Variants in ULK4 observed in about 807,000 individuals in gnomAD.
The protein encoded by ULK4 is unc-51 like kinase 4, also known as inactive serine/threonine-protein kinase ULK4.
In ULK4, 133 loss-of-function variants were observed where a neutral mutation model predicts 160.6. That is an observed-to-expected ratio of 0.83 (90% CI 0.72 to 0.96). The LOEUF (loss-of-function observed/expected upper bound fraction) is 0.96. Among genes scored for constraint, ULK4 ranks in the 40% least tolerant of loss-of-function variants. ULK4 has a pLI of 0.00. For synonymous variants in ULK4, 534 were observed against 539.8 expected, an observed-to-expected ratio of 0.99 and a Z score of 0.15; for missense variants, 1,580 against 1,499.5, an observed-to-expected ratio of 1.05 and a Z score of -0.89.
At chr3:41,953,951 A>T (rs1006492190) in intron 2 of ULK4, among the ~76,000 whole-genome samples, 5 of 152,068 alleles carry the variant, frequency 3.3e-5, no homozygotes, top group African/African-American at 1.2e-4. Context: ...TGGGAGGCCA[A>T]GGTGGGCGGA....
chr3:41,267,701 C>T (rs1412050238), intron 35 of ULK4, among the ~76,000 whole-genome samples: 1 of 152,182 alleles, frequency 6.6e-6, no homozygotes, highest in Non-Finnish European at 1.5e-5. Context: ...AATTTGACAT[C>T]AGCCACAGTG....
At chr3:41,804,245 A>G (rs1437915557) in intron 19 of ULK4, among the ~76,000 whole-genome samples, 3 of 152,058 alleles carry the variant, frequency 2.0e-5, no homozygotes, top group Non-Finnish European at 4.4e-5. Context: ...AGTGATGGTG[A>G]GCATTTTTTC....
At chr3:41,315,532 C>A (rs2080128569) in intron 35 of ULK4, among the ~76,000 whole-genome samples, 1 of 152,146 alleles carries the variant, frequency 6.6e-6, no homozygotes, top group Admixed American at 6.5e-5. Flanking sequence ...GCGCATACAG[C>A]AAATGAAGAA....
At chr3:41,314,673 C>T (rs1479612282) in intron 35 of ULK4, among the ~76,000 whole-genome samples, 6 of 151,932 alleles carry the variant, frequency 3.9e-5, no homozygotes, top group East Asian at 1.9e-4. Context: ...TTTTATTATC[C>T]GTTTTTAATT....
chr3:41,932,022 A>G lies in ULK4; in HGVS notation c.379-16T>C. On this transcript the variant is annotated splice_polypyrimidine_tract_variant and intron_variant, in intron 4 of 36. Coordinates refer to ENST00000301831, the MANE Select transcript of ULK4 (RefSeq NM_017886.4). ...CCAAGAGTATCTATGAAGATCAAAT[A>G]AATGTTTTCAGAAAAAAAATCAACT... 2 of 1,603,658 alleles carry G rather than the reference A, an allele frequency of 1.2e-6. No individual in the cohort carries two copies. Among genetic ancestry groups the G allele is most frequent in the Non-Finnish European group, 1.7e-6 (2 of 1,174,210 alleles).
intron 27 of ULK4, among the ~76,000 whole-genome samples, chr3:41,699,298 A>C (rs1478263088): frequency 6.6e-6 from 1 of 152,212 alleles, no homozygotes; most frequent in Non-Finnish European, 1.5e-5. Flanking sequence ...TAGATTATTC[A>C]TTATTTATTA....
At chr3:41,446,529 TG>T (rs748371392) in intron 34 of ULK4, among the ~76,000 whole-genome samples, 90 of 152,034 alleles carry the variant, frequency 5.9e-4, no homozygotes, top group South Asian at 1.7e-3. Context: ...ATATACACCA[TG>T]GAATACTATG....
At chr3:41,676,473 C>T (rs2035718262) in intron 29 of ULK4, among the ~76,000 whole-genome samples, 1 of 152,088 alleles carries the variant, frequency 6.6e-6, no homozygotes. Flanking sequence ...TCAGAAAGAA[C>T]ACATGCTCCC....
chr3:41,463,295 TA>T, intron 32 of ULK4, 42 bp from the exon 33 acceptor site: 1 of 1,585,318 alleles, frequency 6.3e-7, no homozygotes, highest in Non-Finnish European at 8.6e-7. Flanking sequence ...CATCATTAAG[TA>T]CACAAATGTG....
chr3:41,831,531 A>ATATATATTTTTTTTTTTTTTT, intron 18 of ULK4, among the ~76,000 whole-genome samples: 1 of 138,066 alleles, frequency 7.2e-6, no homozygotes, highest in East Asian at 2.1e-4. Context: ...ATATATATAT[A>ATATATATTTTTTTTTTTTTTT]TTTTTTTTTC....
intron 35 of ULK4, among the ~76,000 whole-genome samples, chr3:41,310,612 A>T: frequency 6.6e-6 from 1 of 152,220 alleles, no homozygotes; most frequent in Non-Finnish European, 1.5e-5. Context: ...TAAAAACAAC[A>T]AAATCTAACT....
chr3:41,458,339 G>A (rs1454557879), intron 33 of ULK4, among the ~76,000 whole-genome samples: 2 of 152,098 alleles, frequency 1.3e-5, no homozygotes, highest in Admixed American at 6.5e-5. Flanking sequence ...CATTGCGAAC[G>A]TGCAACATGA....
intron 30 of ULK4, among the ~76,000 whole-genome samples, chr3:41,654,425 C>G (rs996112540): frequency 1.3e-5 from 2 of 152,150 alleles, no homozygotes; most frequent in Non-Finnish European, 2.9e-5. Flanking sequence ...ATGTTATGCT[C>G]AAAACTGTTA....
intron 30 of ULK4, among the ~76,000 whole-genome samples, chr3:41,634,298 A>G (rs1182886265): frequency 1.3e-5 from 2 of 152,168 alleles, no homozygotes; most frequent in Non-Finnish European, 2.9e-5. Flanking sequence ...AAAGCCTGAC[A>G]TTGTGTTCTC....
intron 32 of ULK4, among the ~76,000 whole-genome samples, chr3:41,504,468 T>C (rs937334): frequency 0.054 from 8,289 of 152,254 alleles, 720 homozygotes; most frequent in African/African-American, 0.19. Flanking sequence ...GGCTTGCAGA[T>C]TGACATATGC....
At chr3:41,471,786 T>C (rs1040469741) in intron 32 of ULK4, among the ~76,000 whole-genome samples, 3 of 150,674 alleles carry the variant, frequency 2.0e-5, no homozygotes, top group Non-Finnish European at 3.0e-5. Context: ...AAAAGGAAAA[T>C]TTAAAAAAAT....
chr3:41,736,344 C>A (rs557467305), intron 22 of ULK4, among the ~76,000 whole-genome samples: 72 of 151,956 alleles, frequency 4.7e-4, no homozygotes, highest in Admixed American at 1.2e-3. Flanking sequence ...CACATCCTCT[C>A]CAGCACCTGT....
rs573672135 is a variant in ULK4, at chr3:41,322,385, C to T, written c.3679-72811G>A. Among the ~76,000 whole-genome samples, 5 of 152,312 alleles carry T rather than the reference C, an allele frequency of 3.3e-5. No individual in the cohort carries two copies. The East Asian group carries it at 9.7e-4, about 29-fold the overall frequency. On this transcript the variant is annotated intron_variant, in intron 35 of 36. Coordinates refer to ENST00000301831, the MANE Select transcript of ULK4 (RefSeq NM_017886.4). Reference sequence around the variant, plus strand: ...CCTGCTCTAAAACTTGCCTCCGTCTCTCCCTCTGCCTTATGCCCCTCAGAC... The same window carrying T: ...CCTGCTCTAAAACTTGCCTCCGTCTTTCCCTCTGCCTTATGCCCCTCAGAC...
intron 21 of ULK4, among the ~76,000 whole-genome samples, chr3:41,762,279 T>TC (rs1224240435): frequency 6.6e-6 from 1 of 152,064 alleles, no homozygotes; most frequent in African/African-American, 2.4e-5. Context: ...ACCCCCACTC[T>TC]CCCTTCCAAT....
Sources: allele counts gnomAD v4.1 joint callset (sites outside exome capture counted in the v4.1 genomes callset), GRCh38; gene constraint gnomAD v4.1.1; transcripts MANE v1.5; gene names NCBI Gene and HGNC (gene_info 2026-07-23, HGNC 2026-07-21).